The following RAPGEF4 variants were observed in gnomAD, a reference collection of about 807,000 sequenced individuals.
RAPGEF4 encodes the protein Rap guanine nucleotide exchange factor 4.
RAPGEF4 carries 66 observed loss-of-function variants against 147.9 expected under a neutral mutation model. The observed-to-expected ratio is 0.45, with a 90% confidence interval of 0.37 to 0.55. RAPGEF4 has a LOEUF of 0.55. Ranked by LOEUF, RAPGEF4 falls within the 20% of genes least tolerant of loss-of-function variation. The pLI, the probability that RAPGEF4 is intolerant of heterozygous loss-of-function variation, is 0.00. For synonymous variants in RAPGEF4, 419 were observed against 442.7 expected, an observed-to-expected ratio of 0.95 and a Z score of 0.67; for missense variants, 1,071 against 1,257.3, an observed-to-expected ratio of 0.85 and a Z score of 2.24.
Position 173,051,803 on chromosome 2 carries a change from G to A in RAPGEF4, c.*36G>A, listed in dbSNP as rs750897817. 1 of 1,605,810 alleles carries A rather than the reference G, an allele frequency of 6.2e-7. No homozygotes were observed. The highest frequency in any genetic ancestry group is 1.7e-5 in the Admixed American group (1 of 59,524). On this transcript the variant is annotated 3_prime_UTR_variant, in exon 31 of 31. Transcript: ENST00000397081. ...TGCCCAAAGCAACAGTTTGTCTCCA[G>A]TCCACAATCTTTCAAAAATGCCATT...
intron 3 of RAPGEF4, among the ~76,000 whole-genome samples, chr2:172,800,631 A>G (rs146567763): frequency 1.3e-5 from 2 of 152,316 alleles, no homozygotes; most frequent in East Asian, 3.9e-4. Flanking sequence ...GGGGGCTGGC[A>G]GGTCTGAAGT....
At chr2:172,910,580 G>C (rs939541405) in intron 4 of RAPGEF4, among the ~76,000 whole-genome samples, 1 of 152,246 alleles carries the variant, frequency 6.6e-6, no homozygotes, top group African/African-American at 2.4e-5. Context: ...GCTCCACACT[G>C]TCTTGGCCTC....
At chr2:172,884,592 CA>C (rs755853756) in intron 4 of RAPGEF4, among the ~76,000 whole-genome samples, 64 of 152,280 alleles carry the variant, frequency 4.2e-4, no homozygotes, top group Admixed American at 9.2e-4. Context: ...ATTAATGCCA[CA>C]CCTGTTCCAT....
chr2:172,750,204 T>C (rs1695142075), intron 1 of RAPGEF4, among the ~76,000 whole-genome samples: 1 of 151,826 alleles, frequency 6.6e-6, no homozygotes, highest in Non-Finnish European at 1.5e-5. Context: ...AGCACCCCAC[T>C]CTCCTGGTAC....
At chr2:172,934,382 C>A (rs536512599) in intron 6 of RAPGEF4, among the ~76,000 whole-genome samples, 110 of 151,976 alleles carry the variant, frequency 7.2e-4, no homozygotes, top group Admixed American at 1.2e-3. Context: ...AACTCCTGAC[C>A]TCAGGCGATC....
chr2:172,797,664 A>C (rs1454955457), intron 3 of RAPGEF4, 51 bp downstream of exon 3: 1 of 1,355,268 alleles, frequency 7.4e-7, no homozygotes, highest in African/African-American at 1.5e-5. Flanking sequence ...TTAAAGACTT[A>C]TTATCCCTAT....
intron 3 of RAPGEF4, among the ~76,000 whole-genome samples, chr2:172,804,739 GATCCTTTTTT>G (rs1687314266): frequency 1.3e-5 from 2 of 152,120 alleles, no homozygotes; most frequent in Non-Finnish European, 2.9e-5. Flanking sequence ...GGGTGATGGG[GATCCTTTTTT>G]GCCCCTGGAT....
intron 17 of RAPGEF4, among the ~76,000 whole-genome samples, chr2:173,001,647 G>A (rs898004328): frequency 6.6e-5 from 10 of 152,122 alleles, no homozygotes; most frequent in South Asian, 2.1e-4. Flanking sequence ...AAGAAAAGAG[G>A]TTTAATTGAC....
rs146016231 is a variant in RAPGEF4, at chr2:172,739,390, G to A, written c.65+3342G>A. 6.5e-3 allele frequency among the ~76,000 whole-genome samples: 977 copies of A among 150,268 alleles called. 13 individuals carry two copies. The highest frequency in any genetic ancestry group is 0.022 in the African/African-American group (900 of 40,888). On this transcript the variant is annotated intron_variant, in intron 1 of 30. Coordinates refer to ENST00000397081, the MANE Select transcript of RAPGEF4 (RefSeq NM_007023.4). ...TTTTTTGTTTTTGTTTTTGTTTTTTGAGATGGAGTCTCACTCTGTCACCCA... is the reference window on the plus strand; with the variant it reads ...TTTTTTGTTTTTGTTTTTGTTTTTTAAGATGGAGTCTCACTCTGTCACCCA...
At chr2:172,782,430 T>C (rs1276349914) in intron 1 of RAPGEF4, among the ~76,000 whole-genome samples, 2 of 152,160 alleles carry the variant, frequency 1.3e-5, no homozygotes, top group African/African-American at 4.8e-5. Flanking sequence ...TCCCTCTAGT[T>C]ACCCAGGAAT....
intron 1 of RAPGEF4, among the ~76,000 whole-genome samples, chr2:172,755,737 G>A (rs6433379): frequency 0.77 from 117,784 of 152,134 alleles, 47,306 homozygotes; most frequent in East Asian, 0.97. Context: ...GTCACAGGAA[G>A]TTGCAAAAAC....
chr2:173,017,179 A>T lies in RAPGEF4; in HGVS notation c.1904A>T (p.Glu635Val), dbSNP rs779136544. The change falls in exon 20 of 31, where the codon GAA becomes GTA. Residue 635 changes from glutamate to valine, a missense_variant. Glu to Val is a moderately radical substitution (Grantham distance 121, BLOSUM62 -2). Transcript: ENST00000397081. Reference sequence around the variant, plus strand: ...GCTTTCTCTACTTCTCGTAGCTCAGAAGATGCAAAGGCACCACAAAAGAAG... The same window carrying T: ...GCTTTCTCTACTTCTCGTAGCTCAGTAGATGCAAAGGCACCACAAAAGAAG... The part of the protein sequence containing the change: ...ELEKIVKQIS[E>V]DAKAPQKKHK... 1.2e-6 allele frequency: 2 copies of T among 1,613,634 alleles called. No homozygotes were observed. Among genetic ancestry groups the T allele is most frequent in the South Asian group, 2.2e-5 (2 of 91,070 alleles).
chr2:172,814,490 A>T, intron 4 of RAPGEF4, 65 bp downstream of exon 4: 1 of 1,526,964 alleles, frequency 6.5e-7, no homozygotes, highest in Non-Finnish European at 9.1e-7. Context: ...TGCCACATGG[A>T]TAATGGCATT....
intron 6 of RAPGEF4, among the ~76,000 whole-genome samples, chr2:172,957,741 G>T (rs1158129263): frequency 6.6e-6 from 1 of 152,162 alleles, no homozygotes; most frequent in Non-Finnish European, 1.5e-5. Context: ...AAGGATCTGA[G>T]GATTCTGCCT....
intron 6 of RAPGEF4, 127 bp from the exon 7 acceptor site, chr2:172,960,633 T>C (rs1441611519): frequency 1.5e-6 from 1 of 670,898 alleles, no homozygotes; most frequent in East Asian, 3.1e-5. Flanking sequence ...AGAATTTATC[T>C]CTTATTTTTT....
At chr2:172,896,071 T>G (rs895334611) in intron 4 of RAPGEF4, among the ~76,000 whole-genome samples, 1 of 152,204 alleles carries the variant, frequency 6.6e-6, no homozygotes, top group Non-Finnish European at 1.5e-5. Context: ...AAACATTTCT[T>G]TACAATCTTC....
intron 4 of RAPGEF4, among the ~76,000 whole-genome samples, chr2:172,848,270 A>C (rs1692422340): frequency 6.6e-6 from 1 of 152,154 alleles, no homozygotes; most frequent in Non-Finnish European, 1.5e-5. Context: ...CTTGTGAATC[A>C]AAAGTCAAGG....
intron 6 of RAPGEF4, among the ~76,000 whole-genome samples, chr2:172,926,131 A>G (rs1685339940): frequency 6.6e-6 from 1 of 152,066 alleles, no homozygotes; most frequent in African/African-American, 2.4e-5. Context: ...GAGCCAATAA[A>G]GCAAGTTGAT....
intron 17 of RAPGEF4, among the ~76,000 whole-genome samples, chr2:173,007,609 AC>A (rs1694610596): frequency 6.6e-6 from 1 of 152,172 alleles, no homozygotes; most frequent in South Asian, 2.1e-4. Flanking sequence ...TTCATCCTTG[AC>A]AGCAATCTTA....
Sources: allele counts gnomAD v4.1 joint callset (sites outside exome capture counted in the v4.1 genomes callset), GRCh38; gene constraint gnomAD v4.1.1; transcripts MANE v1.5; gene names NCBI Gene and HGNC (gene_info 2026-07-23, HGNC 2026-07-21).